Variants in GOLM1 observed in about 807,000 individuals in gnomAD.
GOLM1 encodes golgi membrane protein 1, also known as epididymis luminal protein 46.
In GOLM1, 31 loss-of-function variants were observed where a neutral mutation model predicts 50.5. The observed-to-expected ratio is 0.61, with a 90% confidence interval of 0.46 to 0.83. GOLM1 has a LOEUF of 0.83. Among genes scored for constraint, GOLM1 ranks in the 40% least tolerant of loss-of-function variants. The pLI, the probability that GOLM1 is intolerant of heterozygous loss-of-function variation, is 0.00. For synonymous variants in GOLM1, 178 were observed against 192.8 expected, an observed-to-expected ratio of 0.92 and a Z score of 0.64; for missense variants, 491 against 501.3, an observed-to-expected ratio of 0.98 and a Z score of 0.20.
At chr9:86,057,531 A>G (rs1051316378) in intron 3 of GOLM1, among the ~76,000 whole-genome samples, 1 of 152,088 alleles carries the variant, frequency 6.6e-6, no homozygotes, top group Non-Finnish European at 1.5e-5. Flanking sequence ...AGCTGAGGCC[A>G]CTGTGGGAAA....
chr9:86,033,991 G>C (rs1833060510), intron 8 of GOLM1, among the ~76,000 whole-genome samples: 1 of 148,174 alleles, frequency 6.7e-6, no homozygotes, highest in Admixed American at 6.7e-5. Context: ...TTGAGATGGA[G>C]TCTCACTCTG....
intron 3 of GOLM1, among the ~76,000 whole-genome samples, chr9:86,058,768 G>A (rs977224298): frequency 9.9e-5 from 15 of 151,532 alleles, no homozygotes; most frequent in African/African-American, 2.7e-4. Context: ...AGTCCGAGGC[G>A]GGCGGATCAC....
chr9:86,051,148 T>C (rs1833735645), intron 4 of GOLM1, among the ~76,000 whole-genome samples: 1 of 152,222 alleles, frequency 6.6e-6, no homozygotes, highest in Non-Finnish European at 1.5e-5. Context: ...GAGCAGGTTG[T>C]TCAGTTTCCA....
At chr9:86,098,581 CT>C (rs1308396827) in intron 1 of GOLM1, among the ~76,000 whole-genome samples, 5 of 152,168 alleles carry the variant, frequency 3.3e-5, no homozygotes, top group Non-Finnish European at 7.4e-5. Context: ...GCAAATCTGG[CT>C]ATGGGACATC....
intron 4 of GOLM1, 68 bp downstream of exon 4, chr9:86,052,469 A>G: frequency 3.7e-6 from 5 of 1,337,328 alleles, no homozygotes; most frequent in Non-Finnish European, 5.4e-6. Flanking sequence ...CTGGGCCTAG[A>G]GAAGGAGAGA....
chr9:86,066,626 T>A (rs1286427394), intron 3 of GOLM1, among the ~76,000 whole-genome samples: 1 of 152,224 alleles, frequency 6.6e-6, no homozygotes, highest in African/African-American at 2.4e-5. Flanking sequence ...GTAAAAAGTA[T>A]AAATGTCAAA....
chr9:86,091,126 T>G (rs1488250505), intron 1 of GOLM1, among the ~76,000 whole-genome samples: 1 of 152,106 alleles, frequency 6.6e-6, no homozygotes, highest in Non-Finnish European at 1.5e-5. Flanking sequence ...GCCAGGTACC[T>G]CAGTTGGAAA....
chr9:86,028,616 T>C (rs1184780773), intron 9 of GOLM1, among the ~76,000 whole-genome samples: 2 of 152,128 alleles, frequency 1.3e-5, no homozygotes, highest in Admixed American at 1.3e-4. Context: ...TTGAACTGAT[T>C]AACACAAGCT....
rs767045376 is a variant in GOLM1 at position 86,026,995 on chromosome 9, C to A, written c.*822G>T. The A allele has an allele frequency of 8.1e-6, 8 of 985,294 alleles. No homozygotes were observed. The highest frequency in any genetic ancestry group is 9.6e-6 in the Non-Finnish European group (8 of 829,956). The allele number at this position is 985,294 out of a possible 1,614,324, so 61.0% of individuals were successfully genotyped here. On this transcript the variant is annotated 3_prime_UTR_variant, in exon 10 of 10. Coordinates refer to ENST00000388712, the MANE Select transcript of GOLM1 (RefSeq NM_016548.4). Reference sequence around the variant, plus strand: ...TGCCCTCTCATGCCTTGCCTCTCACCATGCTCTGCTCCAGGTCAGCCCCCT... The same window carrying A: ...TGCCCTCTCATGCCTTGCCTCTCACAATGCTCTGCTCCAGGTCAGCCCCCT...
intron 5 of GOLM1, among the ~76,000 whole-genome samples, chr9:86,045,801 TGGAG>T (rs1833520681): frequency 1.3e-5 from 2 of 152,086 alleles, no homozygotes; most frequent in Non-Finnish European, 2.9e-5. Context: ...GGGCATGGAC[TGGAG>T]AGAGGTAAGT....
chr9:86,029,680 C>A (rs1213251157), intron 9 of GOLM1, among the ~76,000 whole-genome samples: 1 of 152,174 alleles, frequency 6.6e-6, no homozygotes, highest in East Asian at 1.9e-4. Flanking sequence ...TTCCCTGGAG[C>A]AAGTAAGGTC....
At chr9:86,072,567 C>A (rs897453684) in intron 3 of GOLM1, among the ~76,000 whole-genome samples, 1 of 152,180 alleles carries the variant, frequency 6.6e-6, no homozygotes. Flanking sequence ...CAATCTGGCA[C>A]AGCTTTGAAA....
chr9:86,079,094 C>T (rs533260268), intron 2 of GOLM1, 98 bp downstream of exon 2: 4 of 1,144,936 alleles, frequency 3.5e-6, no homozygotes, highest in African/African-American at 1.6e-5. Flanking sequence ...ACAAAACGCC[C>T]TGGCTGGCAA....
intron 2 of GOLM1, 68 bp downstream of exon 2, chr9:86,079,124 A>T: frequency 1.5e-6 from 2 of 1,352,258 alleles, no homozygotes; most frequent in South Asian, 1.5e-5. Context: ...AACCCCTGGG[A>T]CCCCATCATA....
intron 6 of GOLM1, among the ~76,000 whole-genome samples, chr9:86,038,175 GAA>G (rs1833212839): frequency 6.8e-6 from 1 of 147,038 alleles, no homozygotes; most frequent in Non-Finnish European, 1.5e-5. Flanking sequence ...AAAAAAAAAA[GAA>G]AAAGAAAAAA....
At chr9:86,035,885 A>AAC (rs1469826221) in intron 7 of GOLM1, among the ~76,000 whole-genome samples, 3 of 144,918 alleles carry the variant, frequency 2.1e-5, no homozygotes, top group African/African-American at 7.7e-5. Context: ...AAACAAAACA[A>AAC]AAAAAAAAAA....
At chr9:86,035,176 C>T in intron 8 of GOLM1, 192 bp downstream of exon 8, 1 of 985,394 alleles carries the variant, frequency 1.0e-6, no homozygotes, top group Non-Finnish European at 1.2e-6. Context: ...AGTTCTAGAG[C>T]ATATGCTGCT....
chr9:86,040,736 T>C lies in GOLM1; in HGVS notation c.597+3A>G, dbSNP rs778356691. On this transcript the variant is annotated splice_donor_region_variant and intron_variant, in intron 6 of 9. Transcript: ENST00000388712. The stretch of plus-strand genomic sequence containing the variant: ...AAACTCTTGGCAAAAATTCCCCAGT[T>C]ACCTGCTGTCTCTGGTCGTTGTTTT... 1.6e-5 allele frequency: 25 copies of C among 1,608,744 alleles called. No individual in the cohort carries two copies. Among genetic ancestry groups the C allele is most frequent in the Non-Finnish European group, 2.0e-5 (24 of 1,178,614 alleles).
intron 6 of GOLM1, chr9:86,036,799 T>A: frequency 7.8e-6 from 3 of 382,750 alleles, no homozygotes; most frequent in African/African-American, 2.1e-5. Flanking sequence ...AGGCGGAAGA[T>A]CAACAACAAA....
Sources: gnomAD v4.1 joint callset for allele counts (sites outside exome capture counted in the v4.1 genomes callset) on GRCh38, gnomAD v4.1.1 for gene constraint, MANE v1.5 for transcripts, NCBI Gene and HGNC (gene_info 2026-07-23, HGNC 2026-07-21) for gene names.